ADGRL3: variants seen among roughly 807,000 people sequenced by gnomAD.
ADGRL3 encodes adhesion G protein-coupled receptor L3.
A neutral mutation model predicts 153.5 loss-of-function variants in ADGRL3; 62 were observed. The ratio of observed to expected loss-of-function variants is 0.40; its 90% CI spans 0.33 to 0.50. The LOEUF is 0.50. Among genes scored for constraint, ADGRL3 ranks in the 20% least tolerant of loss-of-function variants. ADGRL3 has a pLI of 0.47. For synonymous variants in ADGRL3, 710 were observed against 672.5 expected, an observed-to-expected ratio of 1.06 and a Z score of -0.86; for missense variants, 1,641 against 1,859.4, an observed-to-expected ratio of 0.88 and a Z score of 2.16.
intron 9 of ADGRL3, among the ~76,000 whole-genome samples, chr4:61,833,834 T>A (rs2097901569): frequency 6.6e-6 from 1 of 152,120 alleles, no homozygotes; most frequent in Non-Finnish European, 1.5e-5. Context: ...ACTAAGTTCT[T>A]CCCAAAGTTA....
intron 21 of ADGRL3, among the ~76,000 whole-genome samples, chr4:62,026,680 A>G (rs1718779593): frequency 6.6e-6 from 1 of 152,072 alleles, no homozygotes; most frequent in African/African-American, 2.4e-5. Flanking sequence ...TGTAGGTCAG[A>G]GGAAACAAAG....
At chr4:61,376,759 C>G (rs1045638437) in intron 1 of ADGRL3, among the ~76,000 whole-genome samples, 2 of 152,148 alleles carry the variant, frequency 1.3e-5, no homozygotes, top group African/African-American at 4.8e-5. Context: ...GGGTTATTCA[C>G]AGCAGTTCTT....
chr4:61,361,298 G>C (rs557087298), intron 1 of ADGRL3, among the ~76,000 whole-genome samples: 23 of 152,210 alleles, frequency 1.5e-4, no homozygotes, highest in African/African-American at 5.1e-4. Flanking sequence ...TATGCATTAA[G>C]TGTAAGCCAT....
chr4:61,933,079 T>A (rs1375276313), intron 13 of ADGRL3, among the ~76,000 whole-genome samples: 2 of 152,012 alleles, frequency 1.3e-5, no homozygotes, highest in African/African-American at 4.8e-5. Context: ...ATTATAAGAT[T>A]ATTAACTAAC....
chr4:61,590,769 T>C (rs2098966003), intron 5 of ADGRL3, among the ~76,000 whole-genome samples: 1 of 152,126 alleles, frequency 6.6e-6, no homozygotes, highest in East Asian at 1.9e-4. Flanking sequence ...AAAGGAAATC[T>C]TAGAGCTGCT....
chr4:61,886,074 A>G (rs1249391324), intron 9 of ADGRL3, among the ~76,000 whole-genome samples: 2 of 152,252 alleles, frequency 1.3e-5, no homozygotes, highest in African/African-American at 2.4e-5. Flanking sequence ...GGATCCAATT[A>G]CAAAAATAAA....
chr4:61,902,234 C>A (rs1027440118), intron 11 of ADGRL3, among the ~76,000 whole-genome samples: 1 of 152,006 alleles, frequency 6.6e-6, no homozygotes, highest in Non-Finnish European at 1.5e-5. Flanking sequence ...ATGGTACCAC[C>A]GTGGAGTTAG....
chr4:61,528,205 A>C (rs1219755878), intron 4 of ADGRL3, among the ~76,000 whole-genome samples: 1 of 152,156 alleles, frequency 6.6e-6, no homozygotes, highest in Non-Finnish European at 1.5e-5. Flanking sequence ...GTTAATTCAC[A>C]TCAATTACTT....
chr4:61,456,403 CTATATATATATAGATATA>C (rs2097745784), intron 2 of ADGRL3, among the ~76,000 whole-genome samples: 1 of 59,314 alleles, frequency 1.7e-5, no homozygotes, highest in East Asian at 5.2e-4. Context: ...ATATCTATAT[CTATATATATATAGATATA>C]TCTATATCTA....
chr4:61,560,849 G>T (rs148185688), intron 4 of ADGRL3, among the ~76,000 whole-genome samples: 4 of 152,114 alleles, frequency 2.6e-5, no homozygotes, highest in African/African-American at 9.6e-5. Context: ...TCCAATCATA[G>T]ATTTGTTTTC....
chr4:61,636,170 G>A (rs1579988967), intron 5 of ADGRL3, among the ~76,000 whole-genome samples: 1 of 152,144 alleles, frequency 6.6e-6, no homozygotes, highest in Middle Eastern at 3.4e-3. Flanking sequence ...ACTTTTTGCT[G>A]TGTGTGAATG....
intron 1 of ADGRL3, among the ~76,000 whole-genome samples, chr4:61,252,452 G>A (rs934037420): frequency 1.3e-5 from 2 of 152,118 alleles, no homozygotes; most frequent in Admixed American, 1.3e-4. Context: ...ATTCATTACA[G>A]ACAAATAAGT....
chr4:61,461,178 C>T (rs539072005), intron 2 of ADGRL3, among the ~76,000 whole-genome samples: 1 of 152,134 alleles, frequency 6.6e-6, no homozygotes, highest in South Asian at 2.1e-4. Context: ...CCCACTGGGT[C>T]CCTCCCACAA....
intron 3 of ADGRL3, among the ~76,000 whole-genome samples, chr4:61,500,501 G>C (rs2098375763): frequency 6.6e-6 from 1 of 152,162 alleles, no homozygotes; most frequent in African/African-American, 2.4e-5. Context: ...TGGCTTAAGA[G>C]AATACTGCAT....
At position 61,311,045 on chromosome 4, in the gene ADGRL3, G is replaced by GA. The variant is rs75749498; in HGVS notation, c.-239-72068dup. On this transcript the variant is annotated intron_variant, in intron 1 of 26. Coordinates refer to ENST00000683033, the MANE Select transcript of ADGRL3 (RefSeq NM_001387552.1). ...ACTTTGTGCCAAATTTCAACTCTAG[G>GA]AAAAAAAAAAATCTAATGTTTTCTG... Among the ~76,000 whole-genome samples, 48 of 147,052 alleles carry GA rather than the reference G, an allele frequency of 3.3e-4. 1 individual carries two copies. The highest frequency in any genetic ancestry group is 1.8e-3 in the Admixed American group (27 of 14,742).
intron 2 of ADGRL3, among the ~76,000 whole-genome samples, chr4:61,415,688 C>G (rs544737973): frequency 6.6e-6 from 1 of 151,898 alleles, no homozygotes; most frequent in South Asian, 2.1e-4. Flanking sequence ...TCCCTTTAAC[C>G]TTCTCTTCTT....
intron 6 of ADGRL3, among the ~76,000 whole-genome samples, chr4:61,698,475 C>CA (rs1303927428): frequency 1.9e-4 from 29 of 151,894 alleles, no homozygotes; most frequent in African/African-American, 6.8e-4. Flanking sequence ...ACAACAACAA[C>CA]AACAAAAACA....
chr4:61,287,545 G>A (rs2093986729), intron 1 of ADGRL3, among the ~76,000 whole-genome samples: 1 of 151,922 alleles, frequency 6.6e-6, no homozygotes, highest in African/African-American at 2.4e-5. Context: ...TACTGTTTAT[G>A]TGCATTACCA....
At chr4:61,780,182 C>A (rs1036013934) in intron 8 of ADGRL3, among the ~76,000 whole-genome samples, 1 of 152,130 alleles carries the variant, frequency 6.6e-6, no homozygotes, top group Non-Finnish European at 1.5e-5. Flanking sequence ...AGTAAATGAC[C>A]CTGTTTTGTG....
Sources: gnomAD v4.1 joint callset for allele counts (sites outside exome capture counted in the v4.1 genomes callset) on GRCh38, gnomAD v4.1.1 for gene constraint, MANE v1.5 for transcripts, NCBI Gene and HGNC (gene_info 2026-07-23, HGNC 2026-07-21) for gene names.